RTL4: variants seen among roughly 807,000 people sequenced by gnomAD.
RTL4 encodes the protein retrotransposon Gag-like protein 4.
RTL4 carries 4 observed loss-of-function variants against 5.3 expected under a neutral mutation model. The observed-to-expected ratio is 0.75, with a 90% CI of 0.37 to 1.72. RTL4 has a LOEUF of 1.72. RTL4 is among the 40% of genes most tolerant of loss of function. RTL4 has a pLI of 0.04. For missense variants in RTL4, 260 were observed against 227.1 expected (o/e 1.14, Z -0.93); for synonymous variants, 98 against 87.3 (o/e 1.12, Z -0.68).
At chrX:112,123,700 T>C in the RTL4 span, among the ~76,000 whole-genome samples, 1 of 112,396 alleles carries the variant, frequency 8.9e-6, no homozygotes, top group Middle Eastern at 4.6e-3. Flanking sequence ...AGTACCATGC[T>C]GTTTTGGTTA....
At chrX:112,393,823 C>T in the RTL4 span, among the ~76,000 whole-genome samples, 8 of 111,955 alleles carry the variant, frequency 7.1e-5, no homozygotes, top group Non-Finnish European at 1.1e-4. Context: ...GCTGAGTCTA[C>T]AGACTGTTGC....
At chrX:112,197,588 A>T in the RTL4 span, among the ~76,000 whole-genome samples, 1 of 111,474 alleles carries the variant, frequency 9.0e-6, no homozygotes, top group African/African-American at 3.3e-5. Context: ...TTTACTGGTG[A>T]GAGAGACAAA....
At chrX:112,183,230 T>A in the RTL4 span, among the ~76,000 whole-genome samples, 2 of 112,027 alleles carry the variant, frequency 1.8e-5, no homozygotes, top group African/African-American at 3.2e-5. Context: ...CAAAGACCAT[T>A]GACACTATGA....
At chrX:112,093,207 G>A in the RTL4 span, among the ~76,000 whole-genome samples, 1 of 111,188 alleles carries the variant, frequency 9.0e-6, no homozygotes, top group African/African-American at 3.3e-5. Context: ...TCTTTGCCTT[G>A]GGTTTTGGCA....
the RTL4 span, among the ~76,000 whole-genome samples, chrX:112,228,055 A>G: frequency 9.0e-6 from 1 of 111,687 alleles, no homozygotes; most frequent in Non-Finnish European, 1.9e-5. Flanking sequence ...CAATATTTGG[A>G]CATGCTTGTA....
chrX:112,337,878 G>C, the RTL4 span, among the ~76,000 whole-genome samples: 1 of 111,075 alleles, frequency 9.0e-6, no homozygotes, highest in African/African-American at 3.3e-5. Context: ...ATGGAAGTAC[G>C]TAGGGCACTA....
chrX:112,209,621 G>C, the RTL4 span, among the ~76,000 whole-genome samples: 2 of 111,545 alleles, frequency 1.8e-5, no homozygotes, highest in African/African-American at 6.5e-5. Flanking sequence ...GAGACGATGG[G>C]CATTTGAGCC....
chrX:112,229,936 C>T, the RTL4 span, among the ~76,000 whole-genome samples: 1 of 112,210 alleles, frequency 8.9e-6, no homozygotes, highest in Non-Finnish European at 1.9e-5. Flanking sequence ...TCAGTCCGCC[C>T]CTACTGCGGG....
the RTL4 span, among the ~76,000 whole-genome samples, chrX:112,402,158 T>C: frequency 8.9e-6 from 1 of 112,169 alleles, no homozygotes; most frequent in East Asian, 2.8e-4. Flanking sequence ...GTCTTTATTT[T>C]ATAAGTTCTT....
At chrX:112,099,300 C>T in the RTL4 span, among the ~76,000 whole-genome samples, 1 of 111,776 alleles carries the variant, frequency 8.9e-6, no homozygotes, top group Non-Finnish European at 1.9e-5. Context: ...ATAGTCACTA[C>T]ATGCATTAGT....
chrX:112,455,504 T>C lies in RTL4; in HGVS notation c.776T>C (p.Leu259Pro). 1 of 1,211,348 alleles carries C rather than the reference T, an allele frequency of 8.3e-7. No individual in the cohort carries two copies. Among genetic ancestry groups the C allele is most frequent in the Admixed American group, 2.2e-5 (1 of 45,978 alleles). The change falls in exon 1 of 1, where the codon CTG (leucine) becomes CCG (proline). Residue 259 changes from leucine to proline, a missense_variant. Leu to Pro is a moderately conservative substitution (Grantham distance 98). Coordinates refer to ENST00000340433, the Ensembl canonical transcript of RTL4. Reference sequence around the variant, plus strand: ...CCACCCAAGAAAGGGCCTATACAGCTGCGAGAAGGCCAGCTGCCTCTCACC... The same window carrying C: ...CCACCCAAGAAAGGGCCTATACAGCCGCGAGAAGGCCAGCTGCCTCTCACC...
At chrX:112,214,835 C>T in the RTL4 span, among the ~76,000 whole-genome samples, 1 of 110,481 alleles carries the variant, frequency 9.1e-6, no homozygotes, top group Non-Finnish European at 1.9e-5. Context: ...GTTGCCCAGG[C>T]TGGAGTACAG....
At chrX:112,387,435 C>T in the RTL4 span, among the ~76,000 whole-genome samples, 1,286 of 107,280 alleles carry the variant, frequency 0.012, 11 homozygotes, top group Middle Eastern at 0.019. Flanking sequence ...TTTTTGCAGA[C>T]ATTTCTCAGC....
chrX:112,413,903 C>T, the RTL4 span, among the ~76,000 whole-genome samples: 2 of 110,826 alleles, frequency 1.8e-5, no homozygotes, highest in Non-Finnish European at 3.8e-5. Context: ...ATCCCATTTA[C>T]CCTGATGTGA....
chrX:112,248,711 A>G, the RTL4 span, among the ~76,000 whole-genome samples: 1 of 112,084 alleles, frequency 8.9e-6, no homozygotes, highest in Admixed American at 9.5e-5. Flanking sequence ...GTAGGATAAT[A>G]ACTGTCCCAT....
At chrX:112,310,157 T>A in the RTL4 span, among the ~76,000 whole-genome samples, 5 of 101,752 alleles carry the variant, frequency 4.9e-5, no homozygotes, top group East Asian at 6.3e-4. Flanking sequence ...TAACCTCCAA[T>A]ATGATGGCAT....
the RTL4 span, among the ~76,000 whole-genome samples, chrX:112,345,985 T>C: frequency 3.6e-5 from 4 of 111,970 alleles, no homozygotes; most frequent in African/African-American, 9.7e-5. Context: ...CAAAAGCTTG[T>C]ATACAGTATT....
exon 1 of RTL4, chrX:112,454,759 A>G (rs772876193): frequency 1.7e-6 from 2 of 1,195,012 alleles, no homozygotes; most frequent in Admixed American, 2.3e-5. Flanking sequence ...ATCATCTACC[A>G]TGCAGGTAGA....
At chrX:112,220,422 T>G in the RTL4 span, among the ~76,000 whole-genome samples, 1 of 112,625 alleles carries the variant, frequency 8.9e-6, no homozygotes, top group Non-Finnish European at 1.9e-5. Context: ...GCCCAGCCCA[T>G]GAAACCATTT....
Sources: allele counts gnomAD v4.1 joint callset (sites outside exome capture counted in the v4.1 genomes callset), GRCh38; gene constraint gnomAD v4.1.1; transcripts MANE v1.5; gene names NCBI Gene and HGNC (gene_info 2026-07-23, HGNC 2026-07-21).